MYO10: variants seen among roughly 807,000 people sequenced by gnomAD.
MYO10 encodes the protein unconventional myosin-X.
Under a neutral mutation model 257.3 loss-of-function variants are expected in MYO10, and 133 were observed. The ratio of observed to expected loss-of-function variants is 0.52; its 90% CI spans 0.45 to 0.60. The LOEUF (loss-of-function observed/expected upper bound fraction) is 0.60, where lower values mean the gene tolerates loss of function less well. Ranked by LOEUF, MYO10 falls within the 20% of genes least tolerant of loss-of-function variation. The pLI, the probability that MYO10 is intolerant of heterozygous loss-of-function variation, is 0.00. For missense variants in MYO10, 2,399 were observed against 2,635.7 expected, an observed-to-expected ratio of 0.91 and a Z score of 1.97; for synonymous variants, 1,104 against 1,028.6, an observed-to-expected ratio of 1.07 and a Z score of -1.40.
Position 16,673,724 on chromosome 5 carries a change from G to T in MYO10, c.5130C>A (p.Gly1710=). 6.2e-7 allele frequency: 1 copy of T among 1,613,920 alleles called. No individual in the cohort carries two copies. Among genetic ancestry groups the T allele is most frequent in the Non-Finnish European group, 8.5e-7 (1 of 1,179,876 alleles). Residue 1710 remains glycine (G), a synonymous_variant, in exon 36 of 41, where the codon GGC becomes GGA. Transcript: ENST00000513610. ...GGGAGTTGATGGTGATCTTGCAGGA[G>T]CCGCCGCCATGGCAATAGACCGTGG... The part of the protein sequence containing the change: ...MTSTVYCHGG[G]SCKITINSHT...
At chr5:16,725,360 C>T (rs1356941074) in intron 19 of MYO10, among the ~76,000 whole-genome samples, 2 of 151,978 alleles carry the variant, frequency 1.3e-5, no homozygotes, top group African/African-American at 4.8e-5. Flanking sequence ...TCCCAAAATG[C>T]TGGGATTATA....
At chr5:16,674,003 G>A (rs1333194288) in intron 35 of MYO10, 114 bp from the exon 36 acceptor site, 4 of 858,950 alleles carry the variant, frequency 4.7e-6, no homozygotes, top group South Asian at 1.5e-5. Flanking sequence ...CCCCACTGGT[G>A]AATGGAGCAA....
chr5:16,786,630 G>A (rs887478683), intron 4 of MYO10, among the ~76,000 whole-genome samples: 3 of 151,968 alleles, frequency 2.0e-5, no homozygotes, highest in Non-Finnish European at 2.9e-5. Context: ...AGGGATGCTC[G>A]ACCAGTATAA....
At chr5:16,907,077 G>A (rs1745539456) in intron 1 of MYO10, among the ~76,000 whole-genome samples, 1 of 152,016 alleles carries the variant, frequency 6.6e-6, no homozygotes, top group African/African-American at 2.4e-5. Flanking sequence ...ACATGCCACT[G>A]CACTCCAGCC....
At position 16,905,175 on chromosome 5, in the gene MYO10, G is replaced by A. The variant is rs146440588; in HGVS notation, c.22-27468C>T. The stretch of plus-strand genomic sequence containing the variant: ...TCCCTTGTTCTAGAGATGGTATGGC[G>A]AACTGTAAGCTACCCAGCACACAGG... On this transcript the variant is annotated intron_variant, in intron 1 of 40. Coordinates refer to ENST00000513610, the MANE Select transcript of MYO10 (RefSeq NM_012334.3). 9.1e-4 allele frequency among the ~76,000 whole-genome samples: 139 copies of A among 152,246 alleles called. 1 individual carries two copies. The highest frequency in any genetic ancestry group is 3.1e-3 in the African/African-American group (130 of 41,560).
intron 1 of MYO10, among the ~76,000 whole-genome samples, chr5:16,897,432 A>T (rs1275790677): frequency 1.3e-5 from 2 of 152,198 alleles, no homozygotes; most frequent in South Asian, 2.1e-4. Flanking sequence ...CGTACGCCCT[A>T]CTGGTGTTTG....
intron 3 of MYO10, among the ~76,000 whole-genome samples, chr5:16,795,131 C>A (rs1189985593): frequency 6.6e-6 from 1 of 152,164 alleles, no homozygotes; most frequent in African/African-American, 2.4e-5. Flanking sequence ...CAATCTTAAT[C>A]CCTTCCCATG....
At position 16,936,017 on chromosome 5, in the gene MYO10, G is replaced by T; in HGVS notation, c.-209C>A. ...AGTCCCTAACTCGCCCGTCCCGACGGCAGCCTTTGTCTCTTCTTCCTCCAA... is the reference window on the plus strand; with the variant it reads ...AGTCCCTAACTCGCCCGTCCCGACGTCAGCCTTTGTCTCTTCTTCCTCCAA... On this transcript the variant is annotated 5_prime_UTR_variant, in exon 1 of 41. Transcript: ENST00000513610. 1 of 607,246 alleles carries T rather than the reference G, an allele frequency of 1.6e-6. No homozygotes were observed. Among genetic ancestry groups the T allele is most frequent in the South Asian group, 2.0e-5 (1 of 50,702 alleles). 37.6% of individuals were successfully genotyped at this position (607,246 alleles called of 1,614,324 possible).
intron 1 of MYO10, among the ~76,000 whole-genome samples, chr5:16,920,004 G>A (rs1474696911): frequency 6.6e-5 from 10 of 152,264 alleles, no homozygotes; most frequent in East Asian, 1.9e-4. Context: ...CCAGCTACTC[G>A]GGAGGCTGAG....
At chr5:16,690,521 TC>T (rs34836905) in intron 27 of MYO10, among the ~76,000 whole-genome samples, 2 of 152,102 alleles carry the variant, frequency 1.3e-5, no homozygotes, top group Non-Finnish European at 2.9e-5. Flanking sequence ...AGAGGCTCTC[TC>T]CCCTCACACT....
intron 27 of MYO10, among the ~76,000 whole-genome samples, chr5:16,691,193 C>T (rs1457586028): frequency 6.6e-6 from 1 of 151,100 alleles, no homozygotes; most frequent in Non-Finnish European, 1.5e-5. Flanking sequence ...TGGCGTGAAC[C>T]CAGGAGGTGG....
Position 16,683,940 on chromosome 5 carries a change from A to AAAAG in MYO10, c.3991-9_3991-6dup. Reference sequence around the variant, plus strand: ...CAGCCCCACATCCAAGGTGCCCTGGAAAAGAACAAAAAGTAAACAGAATGA... The same window carrying AAAAG: ...CAGCCCCACATCCAAGGTGCCCTGGAAAAGAAAGAACAAAAAGTAAACAGAATGA... On this transcript the variant is annotated splice_region_variant and splice_polypyrimidine_tract_variant and intron_variant, in intron 29 of 40. Transcript: ENST00000513610. 6.2e-7 allele frequency: 1 copy of AAAAG among 1,612,730 alleles called. No homozygotes were observed. Among genetic ancestry groups the AAAAG allele is most frequent in the Non-Finnish European group, 8.5e-7 (1 of 1,179,346 alleles).
chr5:16,866,668 G>C (rs1184667295), intron 2 of MYO10, among the ~76,000 whole-genome samples: 1 of 151,856 alleles, frequency 6.6e-6, no homozygotes, highest in African/African-American at 2.4e-5. Flanking sequence ...TCCACTTTAT[G>C]ATGAAGATAA....
intron 2 of MYO10, among the ~76,000 whole-genome samples, chr5:16,856,110 G>C (rs777788757): frequency 6.6e-6 from 1 of 152,198 alleles, no homozygotes; most frequent in Non-Finnish European, 1.5e-5. Flanking sequence ...CTGCATTCAA[G>C]TCTTCATCTA....
intron 19 of MYO10, among the ~76,000 whole-genome samples, chr5:16,753,019 T>G (rs553303301): frequency 6.2e-4 from 95 of 152,276 alleles, no homozygotes; most frequent in Non-Finnish European, 1.0e-3. Context: ...CTTTGTCACT[T>G]CAGGTCACAC....
intron 19 of MYO10, among the ~76,000 whole-genome samples, chr5:16,716,523 T>G (rs149893731): frequency 0.026 from 1,958 of 75,618 alleles, 115 homozygotes; most frequent in African/African-American, 0.048. Context: ...TGACAGTGGA[T>G]TTGGAAACAG....
At chr5:16,790,036 C>T (rs1560985864) in intron 4 of MYO10, among the ~76,000 whole-genome samples, 1 of 151,874 alleles carries the variant, frequency 6.6e-6, no homozygotes, top group African/African-American at 2.4e-5. Flanking sequence ...CAAGAGCACG[C>T]CCCCATGCCT....
At chr5:16,850,560 G>A (rs1743770962) in intron 2 of MYO10, among the ~76,000 whole-genome samples, 1 of 152,076 alleles carries the variant, frequency 6.6e-6, no homozygotes, top group African/African-American at 2.4e-5. Flanking sequence ...ACAGGTGTGA[G>A]CCACCATACC....
chr5:16,699,674 CT>C, intron 25 of MYO10, 101 bp from the exon 26 acceptor site: 1 of 1,504,518 alleles, frequency 6.6e-7, no homozygotes, highest in South Asian at 1.2e-5. Context: ...AAAAATACAG[CT>C]ACTCAAGAGG....
Sources: gnomAD v4.1 joint callset for allele counts (sites outside exome capture counted in the v4.1 genomes callset) on GRCh38, gnomAD v4.1.1 for gene constraint, MANE v1.5 for transcripts, NCBI Gene and HGNC (gene_info 2026-07-23, HGNC 2026-07-21) for gene names.